E2F3: variants seen among roughly 807,000 people sequenced by gnomAD.
The protein encoded by E2F3 is transcription factor E2F3.
In E2F3, 11 loss-of-function variants were observed where a neutral mutation model predicts 44.4. That is an observed-to-expected ratio of 0.25 (90% CI 0.16 to 0.41). The LOEUF (loss-of-function observed/expected upper bound fraction) is 0.41, where lower values mean the gene tolerates loss of function less well. Ranked by LOEUF, E2F3 falls within the 10% of genes least tolerant of loss-of-function variation. The probability of loss-of-function intolerance (pLI) is 1.00; values close to 1 mark genes in which losing one functional copy is unlikely to be tolerated. For missense variants in E2F3, 487 were observed against 583.6 expected, an observed-to-expected ratio of 0.83 and a Z score of 1.70; for synonymous variants, 249 against 253.0, an observed-to-expected ratio of 0.98 and a Z score of 0.15.
At chr6:20,486,623 A>T (rs888263907) in intron 4 of E2F3, 66 bp from the exon 5 acceptor site, 6 of 893,332 alleles carry the variant, frequency 6.7e-6, no homozygotes, top group Non-Finnish European at 1.1e-5. Flanking sequence ...CCATGCATCT[A>T]TTTTGTCATT....
In E2F3 at chr6:20,402,591, G is replaced by A; in HGVS notation, c.359G>A (p.Gly120Glu). 7.2e-7 allele frequency: 1 copy of A among 1,397,254 alleles called. No individual in the cohort carries two copies. The highest frequency in any genetic ancestry group is 9.2e-7 in the Non-Finnish European group (1 of 1,084,608). 86.6% of individuals were successfully genotyped at this position (1,397,254 alleles called of 1,614,324 possible). Residue 120 changes from glycine to glutamate, a missense_variant, in exon 1 of 7, where the codon GGA (glycine) becomes GAA (glutamate). By Grantham distance (98) the Gly-to-Glu change is moderately conservative. Transcript: ENST00000346618. This position sits in a 1 kb window ranked among gnomAD's most constrained non-coding sequence, Gnocchi z 5.6. ...CTGCTGCAGCAGCCACCAGCGCTGGGACGCGGCGGCAGCGGCGGCGGCGGC... is the reference window on the plus strand; with the variant it reads ...CTGCTGCAGCAGCCACCAGCGCTGGAACGCGGCGGCAGCGGCGGCGGCGGC... ...AGLLQQPPAL[G>E]RGGSGGGGGP... is the part of the protein sequence containing the mutation.
At chr6:20,470,484 C>T (rs1378219862) in intron 1 of E2F3, among the ~76,000 whole-genome samples, 1 of 152,192 alleles carries the variant, frequency 6.6e-6, no homozygotes, top group African/African-American at 2.4e-5. Context: ...ACCCACTAAC[C>T]TAATGGCCAG....
At chr6:20,475,228 GT>G (rs1362283548) in intron 1 of E2F3, among the ~76,000 whole-genome samples, 24 of 152,342 alleles carry the variant, frequency 1.6e-4, no homozygotes, top group African/African-American at 5.3e-4. Context: ...TCAATTTATG[GT>G]TTGGTGCTTA....
chr6:20,419,079 G>A lies in E2F3; in HGVS notation c.393+16454G>A, dbSNP rs181302157. On this transcript the variant is annotated intron_variant, in intron 1 of 6. Transcript: ENST00000346618. ...ATTCAAAAATACAAAAGTGCACATC[G>A]TGGCTTGCCCTTTTGCTTAGTATTT... Among the ~76,000 whole-genome samples, 27 of 152,104 alleles carry A rather than the reference G, an allele frequency of 1.8e-4. 1 individual carries two copies. In the East Asian group the frequency reaches 2.3e-3, roughly 13 times the overall value.
At chr6:20,432,331 T>G (rs1684497669) in intron 1 of E2F3, among the ~76,000 whole-genome samples, 1 of 152,140 alleles carries the variant, frequency 6.6e-6, no homozygotes, top group Non-Finnish European at 1.5e-5. Flanking sequence ...GCCACCTCCT[T>G]TTAGATTAAC....
Position 20,490,772 on chromosome 6 carries a change from C to T in E2F3, c.*342C>T, listed in dbSNP as rs751571493. On this transcript the variant is annotated 3_prime_UTR_variant, in exon 7 of 7. Transcript: ENST00000346618. The surrounding 1 kb of genome is among the most constrained non-coding windows in gnomAD (Gnocchi z 4.3). Reference sequence around the variant, plus strand: ...CCCCGGATTGGCTTGCTGTGCCTGACGGATGGGCTGTAGAATGGGGTCTGG... The same window carrying T: ...CCCCGGATTGGCTTGCTGTGCCTGATGGATGGGCTGTAGAATGGGGTCTGG... 5.8e-5 allele frequency: 14 copies of T among 242,490 alleles called. No homozygotes were observed. The highest frequency in any genetic ancestry group is 9.6e-5 in the Non-Finnish European group (12 of 125,068). 15.0% of individuals were successfully genotyped at this position (242,490 alleles called of 1,614,324 possible).
chr6:20,436,273 G>A (rs1760573536), intron 1 of E2F3, among the ~76,000 whole-genome samples: 1 of 152,122 alleles, frequency 6.6e-6, no homozygotes, highest in African/African-American at 2.4e-5. Flanking sequence ...GAGCCACCAT[G>A]CCTGGTCTAA....
intron 1 of E2F3, among the ~76,000 whole-genome samples, chr6:20,465,465 A>AT (rs914315611): frequency 2.6e-5 from 4 of 151,620 alleles, no homozygotes; most frequent in Non-Finnish European, 4.4e-5. Flanking sequence ...ATTCATCCCA[A>AT]TTTTTTTTAT....
At position 20,402,687 on chromosome 6, in the gene E2F3, G is replaced by A. The variant is rs1378476432; in HGVS notation, c.393+62G>A. On this transcript the variant is annotated intron_variant, in intron 1 of 6. Coordinates refer to ENST00000346618, the MANE Select transcript of E2F3 (RefSeq NM_001949.5). This position sits in a 1 kb window ranked among gnomAD's most constrained non-coding sequence, Gnocchi z 5.6. ...GGGAGGTGGGCTCGCACCGCGCGGG[G>A]TCGTGGGCGCGCTGCGGGCCGCTCG... is the stretch of plus-strand genomic sequence containing the variant. The A allele has an allele frequency of 1.6e-6, 2 of 1,280,008 alleles. No individual in the cohort carries two copies. Among genetic ancestry groups the A allele is most frequent in the Non-Finnish European group, 2.0e-6 (2 of 1,017,092 alleles). The allele number at this position is 1,280,008 out of a possible 1,614,324, so 79.3% of individuals were successfully genotyped here. A position where few individuals can be genotyped will look rare whatever the true frequency, so the allele number is the denominator to read the frequency against.
intron 1 of E2F3, among the ~76,000 whole-genome samples, chr6:20,441,750 T>C (rs1411288319): frequency 7.3e-6 from 1 of 137,282 alleles, no homozygotes; most frequent in Non-Finnish European, 1.6e-5. Flanking sequence ...TTTTTTTTAG[T>C]ACAGACAGCG....
chr6:20,415,669 T>C (rs191744400), intron 1 of E2F3, among the ~76,000 whole-genome samples: 2 of 152,352 alleles, frequency 1.3e-5, no homozygotes, highest in East Asian at 3.9e-4. Flanking sequence ...AAATATGATA[T>C]ACATTTTAAA....
chr6:20,486,343 T>G (rs3763277), intron 4 of E2F3, among the ~76,000 whole-genome samples: 36,265 of 152,074 alleles, frequency 0.24, 4,650 homozygotes, highest in Non-Finnish European at 0.27. Context: ...CGCGATCTCG[T>G]CTCACTGCAA....
Position 20,402,833 on chromosome 6 carries a change from G to T in E2F3, c.393+208G>T, listed in dbSNP as rs908911186. Among the ~76,000 whole-genome samples the T allele has an allele frequency of 2.0e-5, 3 of 152,082 alleles. No homozygotes were observed. The South Asian group carries it at 6.2e-4, about 32-fold the overall frequency. ...GTCGGGGGGCTCGGCCAGGCGCGCG[G>T]GGCGGCGGGGATTGCCTTGGCGCGA... On this transcript the variant is annotated intron_variant, in intron 1 of 6. Transcript: ENST00000346618. The surrounding 1 kb of genome is among the most constrained non-coding windows in gnomAD (Gnocchi z 5.6).
At chr6:20,412,439 C>A (rs1404115848) in intron 1 of E2F3, among the ~76,000 whole-genome samples, 1 of 152,030 alleles carries the variant, frequency 6.6e-6, no homozygotes, top group Non-Finnish European at 1.5e-5. Flanking sequence ...TGGGGAGGCC[C>A]TTTCTGGCGG....
At chr6:20,478,047 A>T (rs1022309835) in intron 1 of E2F3, among the ~76,000 whole-genome samples, 37 of 152,000 alleles carry the variant, frequency 2.4e-4, no homozygotes, top group African/African-American at 4.1e-4. Context: ...AAAAAAATTT[A>T]AATTAGCCAG....
Position 20,402,622 on chromosome 6 carries a change from TC to T in E2F3, c.392del (p.Pro131ArgfsTer8). 1 of 1,336,190 alleles carries T rather than the reference TC, an allele frequency of 7.5e-7. No homozygotes were observed. Among genetic ancestry groups the T allele is most frequent in the Non-Finnish European group, 9.5e-7 (1 of 1,052,422 alleles). 82.8% of individuals were successfully genotyped at this position (1,336,190 alleles called of 1,614,324 possible). A position where few individuals can be genotyped will look rare whatever the true frequency, so the allele number is the denominator to read the frequency against. ...GCGGCAGCGGCGGCGGCGGCGGCCC[TC>T]CGGTAATACCCTCCCTCCCCACCGT... ...RGGSGGGGGPPAKRRLELGES... is the reference protein window; with the variant it reads ...RGGSGGGGGPXAKRRLELGES... On this transcript the variant is annotated frameshift_variant and splice_region_variant, in exon 1 of 7. Transcript: ENST00000346618. LOFTEE classifies it high-confidence loss of function. The surrounding 1 kb of genome is among the most constrained non-coding windows in gnomAD (Gnocchi z 5.6).
intron 1 of E2F3, among the ~76,000 whole-genome samples, chr6:20,477,425 G>C (rs896039799): frequency 6.6e-6 from 1 of 152,192 alleles, no homozygotes; most frequent in Admixed American, 6.5e-5. Context: ...CCACAGGATA[G>C]ATTTCCCTCA....
intron 1 of E2F3, among the ~76,000 whole-genome samples, chr6:20,442,431 G>A (rs1467339579): frequency 2.0e-5 from 3 of 152,192 alleles, no homozygotes; most frequent in African/African-American, 7.2e-5. Flanking sequence ...AGTAACTTCT[G>A]TGCTTTTTAT....
chr6:20,412,077 T>A (rs986005702), intron 1 of E2F3, among the ~76,000 whole-genome samples: 1 of 152,142 alleles, frequency 6.6e-6, no homozygotes, highest in Non-Finnish European at 1.5e-5. Flanking sequence ...TTACAGTCTG[T>A]TGAGGAGACA....
Sources: gnomAD v4.1 joint callset for allele counts (sites outside exome capture counted in the v4.1 genomes callset) on GRCh38, gnomAD v4.1.1 for gene constraint, Gnocchi (gnomAD v3.1) non-coding constraint, MANE v1.5 for transcripts, NCBI Gene and HGNC (gene_info 2026-07-23, HGNC 2026-07-21) for gene names.